ZNF439: variants seen among roughly 807,000 people sequenced by gnomAD.
The protein encoded by ZNF439 is zinc finger protein 439.
Under a neutral mutation model 47.3 loss-of-function variants are expected in ZNF439, and 40 were observed. That is an observed-to-expected ratio of 0.85 (90% CI 0.66 to 1.10). The LOEUF (loss-of-function observed/expected upper bound fraction) is 1.10, where lower values mean the gene tolerates loss of function less well. Ranked by LOEUF, ZNF439 falls within the 50% of genes least tolerant of loss-of-function variation. The pLI is 0.00. For synonymous variants in ZNF439, 171 were observed against 198.8 expected, an observed-to-expected ratio of 0.86 and a Z score of 1.18; for missense variants, 556 against 601.1, an observed-to-expected ratio of 0.93 and a Z score of 0.78.
intron 1 of ZNF439, among the ~76,000 whole-genome samples, chr19:11,852,735 C>T (rs1976283664): frequency 6.6e-6 from 1 of 152,110 alleles, no homozygotes; most frequent in African/African-American, 2.4e-5. Flanking sequence ...GTCTCCAACT[C>T]CTGTCCTCAA....
intron 1 of ZNF439, among the ~76,000 whole-genome samples, chr19:11,854,772 A>T (rs1025298033): frequency 1.3e-5 from 2 of 151,998 alleles, no homozygotes; most frequent in East Asian, 3.9e-4. Flanking sequence ...AAAAAAAGAG[A>T]TATTATGTAT....
chr19:11,849,058 C>G (rs1976154587), intron 1 of ZNF439, 128 bp downstream of exon 1: 1 of 1,227,934 alleles, frequency 8.1e-7, no homozygotes, highest in Non-Finnish European at 1.0e-6. Context: ...GCCCTCGGTC[C>G]CCGCGGCCGC....
intron 1 of ZNF439, among the ~76,000 whole-genome samples, chr19:11,853,110 AG>A (rs1299089732): frequency 6.6e-5 from 10 of 150,508 alleles, no homozygotes; most frequent in African/African-American, 2.5e-4. Flanking sequence ...TTGTATTTTT[AG>A]TAGAGACTTG....
At position 11,865,699 on chromosome 19, in the gene ZNF439, C is replaced by T. The variant is rs143224825; in HGVS notation, c.64-506C>T. On this transcript the variant is annotated intron_variant, in intron 1 of 3. Transcript: ENST00000682736. ...GGGACAGCCCAAGCAGCTGACAGAG[C>T]GATACACTATCACAAAAAAAAAAAA... Among the ~76,000 whole-genome samples the T allele has an allele frequency of 3.5e-3, 403 of 114,478 alleles. 1 individual carries two copies. The highest frequency in any genetic ancestry group is 0.014 in the African/African-American group (382 of 27,068). The allele number at this position is 114,478 out of a possible 152,430, so 75.1% of individuals were successfully genotyped here.
chr19:11,867,108 T>C (rs1272955155), intron 3 of ZNF439, among the ~76,000 whole-genome samples, 198 bp from the exon 4 acceptor site: 1 of 152,164 alleles, frequency 6.6e-6, no homozygotes, highest in African/African-American at 2.4e-5. Flanking sequence ...AGAAGCCCCA[T>C]ATAAACATTT....
chr19:11,867,498 T>C lies in ZNF439; in HGVS notation c.444T>C (p.Thr148=), dbSNP rs746662138. 2.4e-5 allele frequency: 39 copies of C among 1,613,980 alleles called. No individual in the cohort carries two copies. The African/African-American group carries it at 4.8e-4, about 20-fold the overall frequency. Residue 148 remains threonine, a synonymous_variant, in exon 4 of 4, where the codon ACT becomes ACC. Coordinates refer to ENST00000682736, the MANE Select transcript of ZNF439 (RefSeq NM_001348719.2). ...SSSNMNIRGD[T]GHKACECQEY... ...CTAATATGAACATCAGAGGTGACAC[T>C]GGACACAAGGCATGTGAATGTCAGG...
At chr19:11,855,045 G>T (rs1976348758) in intron 1 of ZNF439, among the ~76,000 whole-genome samples, 1 of 152,160 alleles carries the variant, frequency 6.6e-6, no homozygotes, top group Non-Finnish European at 1.5e-5. Flanking sequence ...CTTTTGGATT[G>T]GTCCTTGCCT....
intron 1 of ZNF439, chr19:11,849,132 C>A (rs886103542): frequency 1.7e-6 from 2 of 1,146,376 alleles, no homozygotes; most frequent in Non-Finnish European, 2.2e-6. Flanking sequence ...CCGTCGACTG[C>A]GGCCTTGGCC....
At chr19:11,864,457 T>G (rs1179709998) in intron 1 of ZNF439, among the ~76,000 whole-genome samples, 1 of 152,092 alleles carries the variant, frequency 6.6e-6, no homozygotes, top group Non-Finnish European at 1.5e-5. Flanking sequence ...GCTGCACGCC[T>G]GGCTAATTTT....
Position 11,868,705 on chromosome 19 carries a change from A to G in ZNF439, c.*136A>G, listed in dbSNP as rs1976786722. 1 of 985,318 alleles carries G rather than the reference A, an allele frequency of 1.0e-6. No homozygotes were observed. Among genetic ancestry groups the G allele is most frequent in the Non-Finnish European group, 1.6e-6 (1 of 644,932 alleles). The allele number at this position is 985,318 out of a possible 1,614,324, so 61.0% of individuals were successfully genotyped here. Reference sequence around the variant, plus strand: ...TTGTTCCAGTTCCTTTCGATATCTAAAAGGACTCACAGTGGAGAAAAACTC... The same window carrying G: ...TTGTTCCAGTTCCTTTCGATATCTAGAAGGACTCACAGTGGAGAAAAACTC... On this transcript the variant is annotated 3_prime_UTR_variant, in exon 4 of 4. Transcript: ENST00000682736.
In ZNF439 at chr19:11,868,000, C is replaced by G; in HGVS notation, c.946C>G (p.Arg316Gly). The change falls in exon 4 of 4, where the codon CGT (arginine) becomes GGT (glycine). Residue 316 changes from arginine to glycine, a missense_variant. Transcript: ENST00000682736. ...ATGTGGAAAAGCATTCATGTGTCCC[C>G]GTTATGTTCGTAGACATGAAAGGAC... ...KECGKAFMCP[R>G]YVRRHERTHS... 6.2e-7 allele frequency: 1 copy of G among 1,613,894 alleles called. No homozygotes were observed. The highest frequency in any genetic ancestry group is 8.5e-7 in the Non-Finnish European group (1 of 1,179,972).
Position 11,859,311 on chromosome 19 carries a change from G to T in ZNF439, c.64-6894G>T, listed in dbSNP as rs1355536713. Among the ~76,000 whole-genome samples, 3 of 152,180 alleles carry T rather than the reference G, an allele frequency of 2.0e-5. No homozygotes were observed. The East Asian group carries it at 5.8e-4, about 29-fold the overall frequency. Reference sequence around the variant, plus strand: ...AGCAGCCAGTGCACACTGCTTATAAGCAGCGTCTGGGAGTGCCATTTGATG... The same window carrying T: ...AGCAGCCAGTGCACACTGCTTATAATCAGCGTCTGGGAGTGCCATTTGATG... On this transcript the variant is annotated intron_variant, in intron 1 of 3. Transcript: ENST00000682736.
At position 11,868,970 on chromosome 19, in the gene ZNF439, G is replaced by T; in HGVS notation, c.*401G>T. On this transcript the variant is annotated 3_prime_UTR_variant, in exon 4 of 4. Coordinates refer to ENST00000682736, the MANE Select transcript of ZNF439 (RefSeq NM_001348719.2). The stretch of plus-strand genomic sequence containing the variant: ...TTGAATACATGCAAAACACACACTG[G>T]AGAGAAACCTATGAATGTAAGGAAT... 1 of 305,452 alleles carries T rather than the reference G, an allele frequency of 3.3e-6. No homozygotes were observed. Among genetic ancestry groups the T allele is most frequent in the South Asian group, 3.7e-5 (1 of 26,814 alleles). 18.9% of individuals were successfully genotyped at this position (305,452 alleles called of 1,614,324 possible).
At chr19:11,853,074 C>A (rs1021667364) in intron 1 of ZNF439, among the ~76,000 whole-genome samples, 1 of 151,816 alleles carries the variant, frequency 6.6e-6, no homozygotes, top group Middle Eastern at 3.2e-3. Flanking sequence ...GGATTACAGG[C>A]GCCTGCCACC....
chr19:11,849,020 T>G (rs1368178286), intron 1 of ZNF439, 90 bp downstream of exon 1: 2 of 1,371,156 alleles, frequency 1.5e-6, no homozygotes, highest in East Asian at 7.2e-5. Flanking sequence ...CTCCGGGGTC[T>G]GGGACCGAGT....
intron 1 of ZNF439, among the ~76,000 whole-genome samples, chr19:11,860,681 G>A (rs1976516192): frequency 6.6e-6 from 1 of 152,324 alleles, no homozygotes; most frequent in Middle Eastern, 3.4e-3. Flanking sequence ...CAAGGGCCCT[G>A]AGCTTCTAGT....
intron 1 of ZNF439, among the ~76,000 whole-genome samples, chr19:11,859,068 T>C (rs1976469967): frequency 6.6e-6 from 1 of 152,218 alleles, no homozygotes; most frequent in African/African-American, 2.4e-5. Flanking sequence ...TTCTGTATAC[T>C]TCACAGGTGC....
intron 1 of ZNF439, chr19:11,866,002 T>G: frequency 7.2e-7 from 1 of 1,386,512 alleles, no homozygotes; most frequent in South Asian, 1.7e-5. Context: ...GCAATAAGAG[T>G]GAAATTCTGT....
chr19:11,850,863 C>G (rs1039146179), intron 1 of ZNF439: 1 of 152,162 alleles, frequency 6.6e-6, no homozygotes, highest in Non-Finnish European at 1.5e-5. Context: ...AACCCCGTCT[C>G]TTCCAAAAAT....
Sources: gnomAD v4.1 joint callset for allele counts (sites outside exome capture counted in the v4.1 genomes callset) on GRCh38, gnomAD v4.1.1 for gene constraint, MANE v1.5 for transcripts, NCBI Gene and HGNC (gene_info 2026-07-23, HGNC 2026-07-21) for gene names.